Variants in ANKRD10 observed in about 807,000 individuals in gnomAD.
ANKRD10 encodes the protein ankyrin repeat domain-containing protein 10.
In ANKRD10, 14 loss-of-function variants were observed where a neutral mutation model predicts 27.0. The observed-to-expected ratio is 0.52, with a 90% CI of 0.34 to 0.81. The LOEUF (loss-of-function observed/expected upper bound fraction) is 0.81. Ranked by LOEUF, ANKRD10 falls within the 40% of genes least tolerant of loss-of-function variation. ANKRD10 has a pLI of 0.01. For missense variants in ANKRD10, 493 were observed against 544.0 expected (o/e 0.91, Z 0.93); for synonymous variants, 250 against 224.5 (o/e 1.11, Z -1.01).
chr13:110,885,880 C>T (rs2064916807), intron 4 of ANKRD10, among the ~76,000 whole-genome samples: 1 of 152,242 alleles, frequency 6.6e-6, no homozygotes, highest in African/African-American at 2.4e-5. Flanking sequence ...TGCAATTTCA[C>T]ACCTCTGAAA....
intron 5 of ANKRD10, among the ~76,000 whole-genome samples, chr13:110,881,355 T>C (rs564549013): frequency 6.6e-6 from 1 of 152,342 alleles, no homozygotes; most frequent in East Asian, 1.9e-4. Flanking sequence ...TCTCACCTCC[T>C]GTAAACCTCT....
At position 110,879,847 on chromosome 13, in the gene ANKRD10, G is replaced by A. The variant is rs754621765; in HGVS notation, c.1053C>T (p.Asn351=). Residue 351 remains asparagine (N), a synonymous_variant, in exon 6 of 6, where the codon AAC becomes AAT. Transcript: ENST00000267339. ...TGGCTATGCAGCTACTTGGACTCCC[G>A]TTCAGGTGCAGAGAACCGCACAACT... ...NPELCGSLHL[N]GSPSSCIASR... is the part of the protein sequence containing the mutation. 23 of 1,614,106 alleles carry A rather than the reference G, an allele frequency of 1.4e-5. No homozygotes were observed. The highest frequency in any genetic ancestry group is 4.5e-5 in the East Asian group (2 of 44,892).
At chr13:110,896,055 GAACA>G (rs1276092587) in intron 3 of ANKRD10, among the ~76,000 whole-genome samples, 4 of 152,212 alleles carry the variant, frequency 2.6e-5, no homozygotes, top group African/African-American at 9.6e-5. Flanking sequence ...AAGGAAGCAA[GAACA>G]ATCACAGGTC....
intron 1 of ANKRD10, chr13:110,914,419 G>T: frequency 8.8e-6 from 2 of 228,364 alleles, no homozygotes; most frequent in Non-Finnish European, 8.4e-6. Flanking sequence ...AACAGGCGCC[G>T]GGACCCTTGG....
At chr13:110,913,540 T>C (rs770427583) in intron 1 of ANKRD10, among the ~76,000 whole-genome samples, 17 of 152,202 alleles carry the variant, frequency 1.1e-4, no homozygotes, top group Non-Finnish European at 1.9e-4. Context: ...ATTTCTTTTA[T>C]TGAAAGAAAA....
intron 1 of ANKRD10, among the ~76,000 whole-genome samples, chr13:110,912,307 T>A (rs1236331435): frequency 1.3e-5 from 2 of 152,234 alleles, no homozygotes; most frequent in Non-Finnish European, 2.9e-5. Context: ...TCCATTTCTC[T>A]TAGCACTTTC....
intron 4 of ANKRD10, among the ~76,000 whole-genome samples, chr13:110,887,961 C>T (rs140730997): frequency 3.3e-5 from 5 of 152,352 alleles, no homozygotes; most frequent in African/African-American, 1.2e-4. Flanking sequence ...CAGCCATTAC[C>T]TGGAACTATT....
At chr13:110,883,459 A>G in intron 5 of ANKRD10, 3 of 1,216,390 alleles carry the variant, frequency 2.5e-6, no homozygotes, top group South Asian at 3.0e-5. Context: ...CTTGCCCAAG[A>G]TATGCAAATT....
chr13:110,885,759 A>ACGGTTTGT (rs1491482549), intron 4 of ANKRD10, among the ~76,000 whole-genome samples: 28 of 83,380 alleles, frequency 3.4e-4, no homozygotes, highest in Non-Finnish European at 9.7e-4. Context: ...CGGTTTGTAC[A>ACGGTTTGT]AAAGAGTGGA....
intron 1 of ANKRD10, among the ~76,000 whole-genome samples, chr13:110,911,994 G>C (rs948737259): frequency 1.3e-5 from 2 of 152,198 alleles, no homozygotes; most frequent in Admixed American, 6.5e-5. Flanking sequence ...CAGCATAACT[G>C]AGCAATGCAC....
At chr13:110,900,446 A>T in intron 3 of ANKRD10, 1 of 1,043,754 alleles carries the variant, frequency 9.6e-7, no homozygotes, top group Non-Finnish European at 1.2e-6. Context: ...GATATCATAA[A>T]TTAGGTAAGC....
chr13:110,893,400 T>G, intron 3 of ANKRD10, 137 bp from the exon 4 acceptor site: 1 of 769,048 alleles, frequency 1.3e-6, no homozygotes, highest in South Asian at 1.9e-5. Flanking sequence ...AAAGAAGTAG[T>G]TAATCAATCT....
At chr13:110,884,345 G>A (rs1223199607) in intron 4 of ANKRD10, among the ~76,000 whole-genome samples, 1 of 152,180 alleles carries the variant, frequency 6.6e-6, no homozygotes, top group African/African-American at 2.4e-5. Context: ...TTAGAAATGT[G>A]AAGCTAAAGC....
intron 5 of ANKRD10, chr13:110,883,441 T>C: frequency 1.9e-6 from 2 of 1,076,030 alleles, no homozygotes; most frequent in South Asian, 6.5e-5. Context: ...ACTTCTTGTA[T>C]CTACAAACTT....
At chr13:110,914,556 G>C in intron 1 of ANKRD10, 169 bp downstream of exon 1, 1 of 962,988 alleles carries the variant, frequency 1.0e-6, no homozygotes, top group Non-Finnish European at 1.3e-6. Flanking sequence ...ACTCCGGGCC[G>C]CGAGCGCTGC....
chr13:110,893,159 T>C lies in ANKRD10; in HGVS notation c.560A>G (p.His187Arg), dbSNP rs1444658415. The change falls in exon 4 of 6, where the codon CAT becomes CGT. Residue 187 changes from histidine (H) to arginine (R), a missense_variant. His to Arg is a conservative substitution (Grantham distance 29). Coordinates refer to ENST00000267339, the MANE Select transcript of ANKRD10 (RefSeq NM_017664.4). ...ATTTAAGATGCCATTGTTATAGAAATGGTTCAGATGACAATTCTGGAGGTT... is the reference window on the plus strand; with the variant it reads ...ATTTAAGATGCCATTGTTATAGAAACGGTTCAGATGACAATTCTGGAGGTT... ...LLNLQNCHLN[H>R]FYNNGILNGG... 5 of 1,614,168 alleles carry C rather than the reference T, an allele frequency of 3.1e-6. No individual in the cohort carries two copies. Among genetic ancestry groups the C allele is most frequent in the East Asian group, 4.5e-5 (2 of 44,884 alleles).
chr13:110,908,936 G>GA (rs1449673017), intron 2 of ANKRD10, among the ~76,000 whole-genome samples: 1 of 152,158 alleles, frequency 6.6e-6, no homozygotes, highest in Non-Finnish European at 1.5e-5. Flanking sequence ...AGGGAGGGCT[G>GA]AAAAGAAAAA....
chr13:110,892,841 C>A, intron 4 of ANKRD10, 187 bp downstream of exon 4: 1 of 1,371,360 alleles, frequency 7.3e-7, no homozygotes, highest in Non-Finnish European at 9.4e-7. Flanking sequence ...CCTCACATTC[C>A]CTTTTGTTAA....
chr13:110,905,308 A>G (rs551885157), intron 3 of ANKRD10: 11 of 152,318 alleles, frequency 7.2e-5, no homozygotes, highest in South Asian at 4.1e-4. Context: ...ACTAAAATAA[A>G]TGTATAATGC....
Sources: gnomAD v4.1 joint callset for allele counts (sites outside exome capture counted in the v4.1 genomes callset) on GRCh38, gnomAD v4.1.1 for gene constraint, MANE v1.5 for transcripts, NCBI Gene and HGNC (gene_info 2026-07-23, HGNC 2026-07-21) for gene names.